TPST1: variants seen among roughly 807,000 people sequenced by gnomAD.
The protein encoded by TPST1 is protein-tyrosine sulfotransferase 1.
TPST1 carries 20 observed loss-of-function variants against 34.8 expected under a neutral mutation model. The observed-to-expected ratio is 0.57, with a 90% CI of 0.40 to 0.84. The LOEUF is 0.84. Ranked by LOEUF, TPST1 falls within the 40% of genes least tolerant of loss-of-function variation. TPST1 has a pLI of 0.00. For synonymous variants in TPST1, 152 were observed against 159.4 expected (o/e 0.95, Z 0.35); for missense variants, 353 against 455.5 (o/e 0.78, Z 2.05).
At chr7:66,339,614 A>G (rs1424053778) in intron 3 of TPST1, among the ~76,000 whole-genome samples, 1 of 152,036 alleles carries the variant, frequency 6.6e-6, no homozygotes, top group Non-Finnish European at 1.5e-5. Flanking sequence ...CAAAATACTA[A>G]CAAACCAAGT....
At chr7:66,242,728 C>T (rs1790062280) in intron 2 of TPST1, among the ~76,000 whole-genome samples, 1 of 152,140 alleles carries the variant, frequency 6.6e-6, no homozygotes. Flanking sequence ...GCCATTAGAC[C>T]ACCAGCCTCT....
intron 3 of TPST1, among the ~76,000 whole-genome samples, chr7:66,333,203 G>A (rs573434050): frequency 5.9e-5 from 9 of 152,126 alleles, no homozygotes; most frequent in South Asian, 2.1e-4. Context: ...CCTGATTTCC[G>A]TCTACAAACC....
chr7:66,265,798 G>C (rs1790581319), intron 2 of TPST1, among the ~76,000 whole-genome samples: 1 of 152,150 alleles, frequency 6.6e-6, no homozygotes, highest in Admixed American at 6.5e-5. Context: ...ATGAACAGCA[G>C]ACTTCTCACC....
At position 66,255,004 on chromosome 7, in the gene TPST1, G is replaced by A. The variant is rs777411114; in HGVS notation, c.845+13734G>A. 9.3e-4 allele frequency among the ~76,000 whole-genome samples: 141 copies of A among 151,790 alleles called. 1 individual carries two copies. Among genetic ancestry groups the A allele is most frequent in the Non-Finnish European group, 1.3e-3 (88 of 67,954 alleles). On this transcript the variant is annotated intron_variant, in intron 2 of 5. Transcript: ENST00000304842. ...CTACTAAAAATACAAAAAATTAGCC[G>A]GGCGTGGTGGCGGGCGCCTGTAGTC...
At chr7:66,313,366 G>T (rs913916020) in intron 3 of TPST1, among the ~76,000 whole-genome samples, 1 of 152,128 alleles carries the variant, frequency 6.6e-6, no homozygotes, top group Non-Finnish European at 1.5e-5. Flanking sequence ...AGTGAGCCAA[G>T]ATCATGCCAT....
intron 1 of TPST1, among the ~76,000 whole-genome samples, chr7:66,230,386 G>A (rs537957484): frequency 3.9e-4 from 59 of 152,348 alleles, no homozygotes; most frequent in African/African-American, 1.3e-3. Context: ...GAATGAAGCC[G>A]CGGACCCTCG....
intron 3 of TPST1, among the ~76,000 whole-genome samples, chr7:66,313,055 T>TG (rs1276837565): frequency 1.3e-5 from 1 of 76,904 alleles, no homozygotes; most frequent in Non-Finnish European, 2.6e-5. Context: ...TTAAGGATCC[T>TG]GAAAAAAAAA....
At chr7:66,286,459 G>A (rs1258078415) in intron 2 of TPST1, 52 bp from the exon 3 acceptor site, 2 of 1,340,682 alleles carry the variant, frequency 1.5e-6, no homozygotes, top group Non-Finnish European at 9.7e-7. Flanking sequence ...TTTAAAGCAT[G>A]ATTTTCTAAA....
At chr7:66,337,266 A>T (rs1274893563) in intron 3 of TPST1, among the ~76,000 whole-genome samples, 5 of 150,068 alleles carry the variant, frequency 3.3e-5, no homozygotes, top group Non-Finnish European at 7.4e-5. Flanking sequence ...TGAGTAAACC[A>T]CTTATATTTT....
intron 2 of TPST1, among the ~76,000 whole-genome samples, chr7:66,262,189 T>G (rs1790502060): frequency 6.6e-6 from 1 of 152,218 alleles, no homozygotes; most frequent in Non-Finnish European, 1.5e-5. Context: ...TGGCTCATGC[T>G]GACTCTGAGG....
chr7:66,239,817 C>G (rs901969106), intron 1 of TPST1, among the ~76,000 whole-genome samples: 3 of 152,180 alleles, frequency 2.0e-5, no homozygotes, highest in Non-Finnish European at 4.4e-5. Context: ...TATTTTTACT[C>G]AAATTTGTAT....
At chr7:66,202,328 C>T (rs748957571), upstream of TPST1, among the ~76,000 whole-genome samples, 10 of 152,228 alleles carry the variant, frequency 6.6e-5, no homozygotes, top group Middle Eastern at 3.4e-3. Flanking sequence ...GTGTAGTCCC[C>T]GGATCACCTG....
intron 1 of TPST1, among the ~76,000 whole-genome samples, chr7:66,218,281 T>G (rs952333015): frequency 6.6e-6 from 1 of 152,228 alleles, no homozygotes; most frequent in Non-Finnish European, 1.5e-5. Context: ...TTCATGCCTT[T>G]TGTATGCTCT....
chr7:66,209,464 A>G (rs1257283345), intron 1 of TPST1, among the ~76,000 whole-genome samples: 1 of 152,216 alleles, frequency 6.6e-6, no homozygotes, highest in African/African-American at 2.4e-5. Context: ...CAGATCTTAC[A>G]AAGTCTGGCT....
intron 5 of TPST1, 109 bp from the exon 6 acceptor site, chr7:66,359,786 C>T (rs1792655368): frequency 4.6e-6 from 2 of 431,878 alleles, no homozygotes; most frequent in Non-Finnish European, 9.6e-6. Flanking sequence ...AGGAACCTCC[C>T]CAACCGCCTG....
intron 3 of TPST1, among the ~76,000 whole-genome samples, chr7:66,328,011 C>CTTTTTTTTTTTTTTTTTTT (rs35582736): frequency 2.5e-5 from 1 of 39,486 alleles, no homozygotes; most frequent in East Asian, 8.0e-4. Context: ...TTTTCCTTTC[C>CTTTTTTTTTTTTTTTTTTT]TTTTTTTTTT....
chr7:66,223,343 G>T (rs956991866), intron 1 of TPST1, among the ~76,000 whole-genome samples: 1 of 151,124 alleles, frequency 6.6e-6, no homozygotes, highest in Non-Finnish European at 1.5e-5. Context: ...TGCCCCTGCA[G>T]TCCCAGCTAC....
chr7:66,284,553 T>A (rs1015115360), intron 2 of TPST1, among the ~76,000 whole-genome samples: 45 of 3,780 alleles, frequency 0.012, no homozygotes, highest in Non-Finnish European at 0.027. Flanking sequence ...TGTCTTAGCT[T>A]TTTTTTTTTT....
At chr7:66,276,851 T>C (rs1178182898) in intron 2 of TPST1, among the ~76,000 whole-genome samples, 1 of 152,204 alleles carries the variant, frequency 6.6e-6, no homozygotes, top group African/African-American at 2.4e-5. Context: ...TTCTCTGTTT[T>C]CTTTTAACAA....
Sources: gnomAD v4.1 joint callset for allele counts (sites outside exome capture counted in the v4.1 genomes callset) on GRCh38, gnomAD v4.1.1 for gene constraint, MANE v1.5 for transcripts, NCBI Gene and HGNC (gene_info 2026-07-23, HGNC 2026-07-21) for gene names.